IKZF1: variants seen among roughly 807,000 people sequenced by gnomAD.
IKZF1 encodes the protein DNA-binding protein Ikaros.
In IKZF1, 10 loss-of-function variants were observed where a neutral mutation model predicts 51.7. That is an observed-to-expected ratio of 0.19 (90% CI 0.12 to 0.33). The LOEUF is 0.33. Ranked by LOEUF, IKZF1 falls within the 10% of genes least tolerant of loss-of-function variation. The pLI, the probability that IKZF1 is intolerant of heterozygous loss-of-function variation, is 1.00. For synonymous variants in IKZF1, 280 were observed against 282.3 expected (o/e 0.99, Z 0.08); for missense variants, 484 against 707.5 (o/e 0.68, Z 3.58).
intron 3 of IKZF1, among the ~76,000 whole-genome samples, chr7:50,346,030 C>T (rs1199432051): frequency 1.3e-5 from 2 of 152,220 alleles, no homozygotes; most frequent in Non-Finnish European, 2.9e-5. Flanking sequence ...TGACTGTTCT[C>T]CTAGTGGAAA....
chr7:50,357,630 C>T (rs1336084856), intron 3 of IKZF1, among the ~76,000 whole-genome samples: 1 of 152,180 alleles, frequency 6.6e-6, no homozygotes, highest in African/African-American at 2.4e-5. Context: ...GATTTTCCCT[C>T]TATAATTTCT....
intron 3 of IKZF1, among the ~76,000 whole-genome samples, chr7:50,330,988 C>A (rs1796336140): frequency 1.3e-5 from 2 of 152,130 alleles, no homozygotes; most frequent in Admixed American, 6.5e-5. Context: ...CTTCTCTGAG[C>A]CTCACTTTCC....
intron 1 of IKZF1, among the ~76,000 whole-genome samples, chr7:50,312,639 A>G (rs1454776880): frequency 1.3e-5 from 2 of 152,264 alleles, no homozygotes; most frequent in East Asian, 3.8e-4. Flanking sequence ...CCTCTTTACC[A>G]AGAAAACATT....
chr7:50,390,874 G>T (rs1386212022), intron 6 of IKZF1, among the ~76,000 whole-genome samples: 1 of 152,188 alleles, frequency 6.6e-6, no homozygotes, highest in Admixed American at 6.5e-5. Flanking sequence ...AAATCAGCAT[G>T]AAATATCCGA....
rs1401983567 is a variant in IKZF1, at chr7:50,400,679, A to G, written c.*52A>G. On this transcript the variant is annotated 3_prime_UTR_variant, in exon 8 of 8. Transcript: ENST00000331340. This position sits in a 1 kb window ranked among gnomAD's most constrained non-coding sequence, Gnocchi z 5.4. ...CCCGAGCCACCCCAGGAAAAGCACA[A>G]GGACTGCCGCCTTCTCGCTCCCGCC... The G allele has an allele frequency of 6.4e-7, 1 of 1,552,216 alleles. No individual in the cohort carries two copies. Among genetic ancestry groups the G allele is most frequent in the Admixed American group, 1.9e-5 (1 of 52,508 alleles).
chr7:50,377,499 C>T (rs1226798888), intron 4 of IKZF1, among the ~76,000 whole-genome samples: 1 of 152,190 alleles, frequency 6.6e-6, no homozygotes, highest in Non-Finnish European at 1.5e-5. Context: ...CTAGTGTCAG[C>T]GAGTTGTGCT....
In IKZF1 at chr7:50,382,573, C is replaced by T. The variant is rs2153477466; in HGVS notation, c.455C>T (p.Ala152Val). 2 of 1,613,880 alleles carry T rather than the reference C, an allele frequency of 1.2e-6. No individual in the cohort carries two copies. The highest frequency in any genetic ancestry group is 1.7e-6 in the Non-Finnish European group (2 of 1,179,868). ...ERPFQCNQCG[A>V]SFTQKGNLLR... is the part of the protein sequence containing the mutation. ...CCCTTCCAGTGCAATCAGTGCGGGG[C>T]CTCATTCACCCAGAAGGGCAACCTG... The change falls in exon 5 of 8, where the codon GCC becomes GTC. Residue 152 changes from alanine to valine, a missense_variant. By Grantham distance (64) the Ala-to-Val change is moderately conservative. This residue lies in a region of IKZF1 where 53 missense variants were observed against 167.7 expected (regional missense o/e 0.32). Coordinates refer to ENST00000331340, the MANE Select transcript of IKZF1 (RefSeq NM_006060.6).
intron 5 of IKZF1, among the ~76,000 whole-genome samples, chr7:50,386,912 G>A (rs1224377854): frequency 6.6e-6 from 1 of 152,184 alleles, no homozygotes; most frequent in South Asian, 2.1e-4. Context: ...TAGCACCAGC[G>A]TCATGACAGA....
At chr7:50,303,765 C>A (rs1788108206), upstream of IKZF1, among the ~76,000 whole-genome samples, 4 of 151,836 alleles carry the variant, frequency 2.6e-5, 1 homozygote, top group Admixed American at 2.6e-4. The surrounding 1 kb of genome is among the most constrained non-coding windows in gnomAD (Gnocchi z 4.7). Flanking sequence ...GTCTCGCCAG[C>A]GGGGCGAGCG....
At chr7:50,320,499 C>T (rs561638822) in intron 2 of IKZF1, among the ~76,000 whole-genome samples, 2 of 152,302 alleles carry the variant, frequency 1.3e-5, no homozygotes, top group Admixed American at 6.5e-5. Flanking sequence ...TACAGTCATC[C>T]TGCAATGGTG....
intron 1 of IKZF1, among the ~76,000 whole-genome samples, chr7:50,306,035 A>G (rs1788694832): frequency 6.6e-6 from 1 of 152,214 alleles, no homozygotes; most frequent in Admixed American, 6.5e-5. Context: ...TAACAATTTC[A>G]GTATTATTTA....
intron 3 of IKZF1, among the ~76,000 whole-genome samples, chr7:50,352,146 T>G (rs1802018969): frequency 6.6e-6 from 1 of 152,244 alleles, no homozygotes; most frequent in African/African-American, 2.4e-5. Context: ...TGTGTAGTGC[T>G]CTTTCAGCCA....
Position 50,399,994 on chromosome 7 carries a change from C to A in IKZF1, c.927C>A (p.His309Gln). The A allele has an allele frequency of 8.1e-6, 13 of 1,613,460 alleles. No homozygotes were observed. Among genetic ancestry groups the A allele is most frequent in the Non-Finnish European group, 1.1e-5 (13 of 1,179,772 alleles). Reference protein sequence around the residue: ...YEKENEMMKSHVMDQAINNAI... With the variant: ...YEKENEMMKSQVMDQAINNAI... Reference sequence around the variant, plus strand: ...AGGAGAACGAAATGATGAAGTCCCACGTGATGGACCAAGCCATCAACAACG... The same window carrying A: ...AGGAGAACGAAATGATGAAGTCCCAAGTGATGGACCAAGCCATCAACAACG... The change falls in exon 8 of 8, where the codon CAC becomes CAA. Residue 309 changes from histidine (H) to glutamine (Q), a missense_variant. His to Gln is a conservative substitution (Grantham distance 24, BLOSUM62 0). This residue lies in a region of IKZF1 where 172 missense variants were observed against 192.7 expected (regional missense o/e 0.89). Transcript: ENST00000331340.
At position 50,403,509 on chromosome 7, in the gene IKZF1, C is replaced by G. The variant is rs1296243291; in HGVS notation, c.*2882C>G. On this transcript the variant is annotated 3_prime_UTR_variant, in exon 8 of 8. Coordinates refer to ENST00000331340, the MANE Select transcript of IKZF1 (RefSeq NM_006060.6). Reference sequence around the variant, plus strand: ...CTAGTAATCGCTGTGTCTTGTTCCGCCCCCTCCCTGACACCCCAGCTTCCC... The same window carrying G: ...CTAGTAATCGCTGTGTCTTGTTCCGGCCCCTCCCTGACACCCCAGCTTCCC... 4.4e-6 allele frequency: 1 copy of G among 228,942 alleles called. No homozygotes were observed. The highest frequency in any genetic ancestry group is 2.2e-5 in the African/African-American group (1 of 45,050). 14.2% of individuals were successfully genotyped at this position (228,942 alleles called of 1,614,324 possible).
intron 3 of IKZF1, among the ~76,000 whole-genome samples, chr7:50,359,474 A>G (rs1804567875): frequency 6.6e-6 from 1 of 152,206 alleles, no homozygotes; most frequent in Non-Finnish European, 1.5e-5. Flanking sequence ...AGCTGATCTG[A>G]CATTCCGAAC....
intron 3 of IKZF1, among the ~76,000 whole-genome samples, chr7:50,351,701 C>T (rs935986748): frequency 8.5e-5 from 13 of 152,220 alleles, no homozygotes; most frequent in South Asian, 2.1e-4. Context: ...CCTGCTCACA[C>T]GTTTGGAGGC....
intron 2 of IKZF1, 182 bp from the exon 3 acceptor site, chr7:50,327,455 TG>T (rs1795313605): frequency 1.8e-6 from 1 of 558,564 alleles, no homozygotes; most frequent in Admixed American, 3.7e-5. Flanking sequence ...TTCTCTCATT[TG>T]TATTGTGTGG....
rs1263713861 is a variant in IKZF1 at position 50,368,376 on chromosome 7, T to C, written c.161-8157T>C. The C allele has an allele frequency of 2.4e-5, 16 of 678,154 alleles. 1 individual carries two copies. The Admixed American group carries it at 3.4e-4, about 14-fold the overall frequency. The allele number at this position is 678,154 out of a possible 1,614,324, so 42.0% of individuals were successfully genotyped here. A position where few individuals can be genotyped will look rare whatever the true frequency, so the allele number is the denominator to read the frequency against. ...CTTTGAGATTACTCCTGTAATCCTT[T>C]TTATTGAGTGTGAGGATAAAATGGC... On this transcript the variant is annotated intron_variant, in intron 3 of 7. Coordinates refer to ENST00000331340, the MANE Select transcript of IKZF1 (RefSeq NM_006060.6).
chr7:50,377,582 G>A (rs1009424932), intron 4 of IKZF1, among the ~76,000 whole-genome samples: 2 of 152,246 alleles, frequency 1.3e-5, no homozygotes, highest in Non-Finnish European at 2.9e-5. Flanking sequence ...CTCTGCCACT[G>A]TTTCTAATAG....
Sources: gnomAD v4.1 joint callset for allele counts (sites outside exome capture counted in the v4.1 genomes callset) on GRCh38, gnomAD v4.1.1 for gene constraint, gnomAD v4.1.1 regional missense constraint, Gnocchi (gnomAD v3.1) non-coding constraint, MANE v1.5 for transcripts, NCBI Gene and HGNC (gene_info 2026-07-23, HGNC 2026-07-21) for gene names.